The following CDC73 variants were observed in gnomAD, a reference collection of about 807,000 sequenced individuals.
CDC73 encodes parafibromin.
In CDC73, 21 loss-of-function variants were observed where a neutral mutation model predicts 83.7. The observed-to-expected ratio is 0.25, with a 90% confidence interval of 0.18 to 0.36. CDC73 has a LOEUF of 0.36. CDC73 is among the 10% of genes least tolerant of loss of function. The pLI is 1.00. For synonymous variants in CDC73, 224 were observed against 212.9 expected, an observed-to-expected ratio of 1.05 and a Z score of -0.45; for missense variants, 342 against 653.3, an observed-to-expected ratio of 0.52 and a Z score of 5.19.
chr1:193,176,858 A>G (rs1186962812), intron 10 of CDC73, among the ~76,000 whole-genome samples: 2 of 152,214 alleles, frequency 1.3e-5, no homozygotes, highest in Non-Finnish European at 2.9e-5. Context: ...TGTTCTTTAA[A>G]AAGAAGCAAA....
At chr1:193,148,047 A>T in intron 8 of CDC73, 82 bp downstream of exon 8, 1 of 916,534 alleles carries the variant, frequency 1.1e-6, no homozygotes, top group Non-Finnish European at 1.8e-6. Context: ...AGACATCTTC[A>T]CATTTTAAAA....
At chr1:193,148,608 A>C (rs1676049766) in intron 8 of CDC73, among the ~76,000 whole-genome samples, 1 of 151,748 alleles carries the variant, frequency 6.6e-6, no homozygotes, top group Non-Finnish European at 1.5e-5. Context: ...TGCAATAGAA[A>C]ATAGAAGATT....
rs182327121 is a variant in CDC73, at chr1:193,254,699, T to C, written c.*3987T>C. On this transcript the variant is annotated 3_prime_UTR_variant, in exon 17 of 17. Transcript: ENST00000367435. Reference sequence around the variant, plus strand: ...GGTTTCTGTGTATTATTTTAGGTAATCTTTATAAGGGCATCTTGGAAGTTA... The same window carrying C: ...GGTTTCTGTGTATTATTTTAGGTAACCTTTATAAGGGCATCTTGGAAGTTA... Among the ~76,000 whole-genome samples the C allele has an allele frequency of 7.9e-5, 12 of 152,308 alleles. No homozygotes were observed. In the East Asian group the frequency reaches 2.3e-3, roughly 29 times the overall value.
chr1:193,129,154 C>T (rs977443966), intron 2 of CDC73, among the ~76,000 whole-genome samples: 13 of 151,960 alleles, frequency 8.6e-5, no homozygotes, highest in African/African-American at 2.7e-4. Flanking sequence ...CCTGTCACCG[C>T]GCCTAGCTAA....
chr1:193,165,496 A>G (rs569820252), intron 10 of CDC73, among the ~76,000 whole-genome samples: 1 of 152,356 alleles, frequency 6.6e-6, no homozygotes, highest in East Asian at 1.9e-4. Context: ...CTCAGGATGG[A>G]CACATTAAAA....
chr1:193,211,840 A>G (rs1228581463), intron 11 of CDC73, among the ~76,000 whole-genome samples: 1 of 152,186 alleles, frequency 6.6e-6, no homozygotes, highest in Non-Finnish European at 1.5e-5. Flanking sequence ...AAACAGAACT[A>G]TGGATGTTGT....
At chr1:193,153,554 T>C (rs192209889) in intron 10 of CDC73, among the ~76,000 whole-genome samples, 1 of 152,324 alleles carries the variant, frequency 6.6e-6, no homozygotes, top group Admixed American at 6.5e-5. Context: ...TAACTTTATA[T>C]CTACGTGGGC....
intron 1 of CDC73, 61 bp downstream of exon 1, chr1:193,122,392 C>G (rs1008164399): frequency 2.5e-6 from 4 of 1,610,220 alleles, no homozygotes; most frequent in Non-Finnish European, 3.4e-6. Flanking sequence ...CCCCAGGCGA[C>G]CTCTTTCTTA....
intron 13 of CDC73, among the ~76,000 whole-genome samples, chr1:193,224,432 A>G (rs900671876): frequency 6.6e-6 from 1 of 151,648 alleles, no homozygotes; most frequent in South Asian, 2.1e-4. Flanking sequence ...ATTCACATAT[A>G]CACATATGAA....
intron 11 of CDC73, among the ~76,000 whole-genome samples, chr1:193,204,342 T>G (rs2103178924): frequency 6.7e-6 from 1 of 148,750 alleles, no homozygotes; most frequent in Non-Finnish European, 1.5e-5. Flanking sequence ...CAGGCTGGAG[T>G]ACACTGGCGC....
intron 10 of CDC73, among the ~76,000 whole-genome samples, chr1:193,155,299 G>C (rs762521939): frequency 6.6e-6 from 1 of 152,098 alleles, no homozygotes; most frequent in Admixed American, 6.5e-5. Flanking sequence ...AGAAACCCAG[G>C]TATCTTTAAA....
chr1:193,180,176 T>G, intron 10 of CDC73: 1 of 860,174 alleles, frequency 1.2e-6, no homozygotes, highest in Non-Finnish European at 1.6e-6. Context: ...AAATACTTCT[T>G]GAATTTCTTT....
At chr1:193,191,469 C>T (rs1676917100) in intron 10 of CDC73, among the ~76,000 whole-genome samples, 2 of 152,294 alleles carry the variant, frequency 1.3e-5, no homozygotes, top group Non-Finnish European at 1.5e-5. Flanking sequence ...CTCACTGCAA[C>T]TTCCACCTCC....
chr1:193,208,103 A>G (rs897299655), intron 11 of CDC73, among the ~76,000 whole-genome samples: 1 of 152,236 alleles, frequency 6.6e-6, no homozygotes, highest in Non-Finnish European at 1.5e-5. Context: ...GAGTGACACC[A>G]CAATCAACTT....
intron 10 of CDC73, among the ~76,000 whole-genome samples, chr1:193,174,081 G>T (rs752308709): frequency 2.1e-4 from 31 of 150,936 alleles, no homozygotes; most frequent in Non-Finnish European, 3.8e-4. Context: ...CGTTTCTTCT[G>T]AATTCTATCC....
intron 7 of CDC73, 145 bp downstream of exon 7, chr1:193,142,211 T>C: frequency 1.4e-6 from 1 of 722,788 alleles, no homozygotes; most frequent in African/African-American, 1.7e-5. Flanking sequence ...ATAATGTAGA[T>C]TTCCAGATGG....
chr1:193,198,352 G>C (rs1350371638), intron 10 of CDC73, among the ~76,000 whole-genome samples: 1 of 152,172 alleles, frequency 6.6e-6, no homozygotes, highest in Non-Finnish European at 1.5e-5. Flanking sequence ...ATGAGGGCAT[G>C]GTCTTTACAA....
At chr1:193,239,025 A>G (rs1016650625) in intron 15 of CDC73, among the ~76,000 whole-genome samples, 3 of 152,172 alleles carry the variant, frequency 2.0e-5, no homozygotes, top group African/African-American at 7.2e-5. Flanking sequence ...ATACCCTCTC[A>G]AGAAGATCTC....
At chr1:193,186,368 A>G (rs752682761) in intron 10 of CDC73, 5 of 152,482 alleles carry the variant, frequency 3.3e-5, no homozygotes, top group Admixed American at 1.3e-4. Flanking sequence ...TGGCTGGACA[A>G]TGCAGTGCTG....
Sources: gnomAD v4.1 joint callset for allele counts (sites outside exome capture counted in the v4.1 genomes callset) on GRCh38, gnomAD v4.1.1 for gene constraint, MANE v1.5 for transcripts, NCBI Gene and HGNC (gene_info 2026-07-23, HGNC 2026-07-21) for gene names.